Variants in DPYSL2 observed in about 807,000 individuals in gnomAD.
DPYSL2 encodes dihydropyrimidinase-related protein 2.
Under a neutral mutation model 69.9 loss-of-function variants are expected in DPYSL2, and 13 were observed. The ratio of observed to expected loss-of-function variants is 0.19; its 90% CI spans 0.12 to 0.30. DPYSL2 has a LOEUF of 0.30. Among genes scored for constraint, DPYSL2 ranks in the 10% least tolerant of loss-of-function variants. The probability of loss-of-function intolerance (pLI) is 1.00; values close to 1 mark genes in which losing one functional copy is unlikely to be tolerated. For missense variants in DPYSL2, 587 were observed against 918.9 expected, an observed-to-expected ratio of 0.64 and a Z score of 4.67; for synonymous variants, 326 against 359.1, an observed-to-expected ratio of 0.91 and a Z score of 1.04.
intron 1 of DPYSL2, among the ~76,000 whole-genome samples, chr8:26,532,328 G>T (rs1800521811): frequency 6.6e-6 from 1 of 152,044 alleles, no homozygotes; most frequent in Admixed American, 6.6e-5. Flanking sequence ...GTGGTAGCAG[G>T]GTCTACTTCA....
intron 3 of DPYSL2, among the ~76,000 whole-genome samples, chr8:26,584,908 C>T (rs774688225): frequency 3.3e-4 from 50 of 152,192 alleles, no homozygotes; most frequent in Non-Finnish European, 6.3e-4. Context: ...CATGAGCCAC[C>T]GTGCCTGGCC....
rs1267866076 is a variant in DPYSL2 at position 26,586,834 on chromosome 8, T to C, written c.628+2851T>C. ...AATGCTATGGCATTTGCACGGAGGC[T>C]GTGTGATGCGATCTGGCTATAGAGT... On this transcript the variant is annotated intron_variant, in intron 3 of 13. Transcript: ENST00000521913. This position sits in a 1 kb window ranked among gnomAD's most constrained non-coding sequence, Gnocchi z 4.7. Among the ~76,000 whole-genome samples the C allele has an allele frequency of 1.3e-5, 2 of 152,194 alleles. No homozygotes were observed. Among genetic ancestry groups the C allele is most frequent in the African/African-American group, 2.4e-5 (1 of 41,452 alleles).
intron 11 of DPYSL2, among the ~76,000 whole-genome samples, chr8:26,651,838 A>G (rs1370166679): frequency 6.6e-6 from 1 of 152,232 alleles, no homozygotes; most frequent in Non-Finnish European, 1.5e-5. Context: ...CAGGCTAGCC[A>G]GTGGGAAAAC....
chr8:26,514,155 G>C lies in DPYSL2; in HGVS notation c.-171G>C. The C allele has an allele frequency of 6.1e-6, 3 of 492,028 alleles. No homozygotes were observed. Among genetic ancestry groups the C allele is most frequent in the Non-Finnish European group, 1.0e-5 (3 of 299,556 alleles). 30.5% of individuals were successfully genotyped at this position (492,028 alleles called of 1,614,324 possible). A position where few individuals can be genotyped will look rare whatever the true frequency, so the allele number is the denominator to read the frequency against. ...AGAAGCGGGGTCAGGGGGAGGGACC[G>C]GGAGGGTGGGTCGCCGGCTCGCCAG... On this transcript the variant is annotated 5_prime_UTR_variant, in exon 1 of 14. Transcript: ENST00000521913. The surrounding 1 kb of genome is among the most constrained non-coding windows in gnomAD (Gnocchi z 8.4).
intron 7 of DPYSL2, among the ~76,000 whole-genome samples, chr8:26,631,092 C>A (rs1482136712): frequency 6.6e-6 from 1 of 152,194 alleles, no homozygotes; most frequent in African/African-American, 2.4e-5. Context: ...CTGCTTTCTG[C>A]AGAGAAGTAC....
At position 26,514,743 on chromosome 8, in the gene DPYSL2, CT is replaced by C. The variant is rs1156529378; in HGVS notation, c.354+65del. On this transcript the variant is annotated intron_variant, in intron 1 of 13. Transcript: ENST00000521913. The surrounding 1 kb of genome is among the most constrained non-coding windows in gnomAD (Gnocchi z 8.4). ...CGCGGGGATCGCCCCTCCCTCGCCC[CT>C]GAGCCCGGCGCGCCCGCCTTCATGC... 3 of 1,318,094 alleles carry C rather than the reference CT, an allele frequency of 2.3e-6. No homozygotes were observed. Among genetic ancestry groups the C allele is most frequent in the Non-Finnish European group, 2.9e-6 (3 of 1,021,726 alleles). 81.6% of individuals were successfully genotyped at this position (1,318,094 alleles called of 1,614,324 possible). A position where few individuals can be genotyped will look rare whatever the true frequency, so the allele number is the denominator to read the frequency against.
rs772744740 is a variant in DPYSL2 at position 26,621,866 on chromosome 8, A to C, written c.629-2277A>C. ...GGACCGGATCTGACTGGCCAAGAGA[A>C]AGAGTTTGAATTGGACTCTAAGGAT... On this transcript the variant is annotated intron_variant, in intron 3 of 13. Coordinates refer to ENST00000521913, the MANE Select transcript of DPYSL2 (RefSeq NM_001197293.3). The surrounding 1 kb of genome is among the most constrained non-coding windows in gnomAD (Gnocchi z 4.9). 3.0e-4 allele frequency among the ~76,000 whole-genome samples: 46 copies of C among 152,248 alleles called. No individual in the cohort carries two copies. The highest frequency in any genetic ancestry group is 5.3e-4 in the Non-Finnish European group (36 of 68,010).
chr8:26,595,387 G>A (rs1442417535), intron 3 of DPYSL2, among the ~76,000 whole-genome samples: 1 of 152,044 alleles, frequency 6.6e-6, no homozygotes, highest in African/African-American at 2.4e-5. Context: ...CCCTGCAGAT[G>A]TAAAGCAGTG....
rs1010863949 is a variant in DPYSL2, at chr8:26,624,961, C to G, written c.793+654C>G. ...GGCCACATCATCTTCCTGGGTCTCG[C>G]TGGGCTTGGCTAGAGACCAGATTAA... On this transcript the variant is annotated intron_variant, in intron 4 of 13. Transcript: ENST00000521913. This position sits in a 1 kb window ranked among gnomAD's most constrained non-coding sequence, Gnocchi z 4.7. 2.0e-5 allele frequency among the ~76,000 whole-genome samples: 3 copies of G among 152,140 alleles called. No homozygotes were observed. Among genetic ancestry groups the G allele is most frequent in the African/African-American group, 7.2e-5 (3 of 41,444 alleles).
intron 3 of DPYSL2, among the ~76,000 whole-genome samples, chr8:26,604,487 T>C (rs1249660625): frequency 3.3e-5 from 5 of 152,122 alleles, no homozygotes; most frequent in Middle Eastern, 3.2e-3. Flanking sequence ...GGTAAAGGAA[T>C]GGGTGAGAAC....
Position 26,655,997 on chromosome 8 carries a change from G to A in DPYSL2, c.*291G>A. On this transcript the variant is annotated 3_prime_UTR_variant, in exon 14 of 14. Coordinates refer to ENST00000521913, the MANE Select transcript of DPYSL2 (RefSeq NM_001197293.3). ...ACCCAACACTTAGACATGCGAACAAGCAGCCCCCAGCGAGGGTCTCCTTCG... is the reference window on the plus strand; with the variant it reads ...ACCCAACACTTAGACATGCGAACAAACAGCCCCCAGCGAGGGTCTCCTTCG... 1 of 298,290 alleles carries A rather than the reference G, an allele frequency of 3.4e-6. No individual in the cohort carries two copies. Among genetic ancestry groups the A allele is most frequent in the Non-Finnish European group, 6.1e-6 (1 of 162,872 alleles). 18.5% of individuals were successfully genotyped at this position (298,290 alleles called of 1,614,324 possible).
At chr8:26,563,320 C>T (rs893480660) in intron 1 of DPYSL2, among the ~76,000 whole-genome samples, 9 of 152,212 alleles carry the variant, frequency 5.9e-5, no homozygotes, top group African/African-American at 1.9e-4. Context: ...CATAAACTCT[C>T]TTCTCCCAGA....
At chr8:26,555,727 A>T (rs1299859393) in intron 1 of DPYSL2, among the ~76,000 whole-genome samples, 1 of 151,426 alleles carries the variant, frequency 6.6e-6, no homozygotes, top group African/African-American at 2.4e-5. Flanking sequence ...TCTACAAAAA[A>T]ATACAAAAAA....
Position 26,533,279 on chromosome 8 carries a change from C to T in DPYSL2, c.354+18600C>T, listed in dbSNP as rs1373740689. Reference sequence around the variant, plus strand: ...CTTTATATATTCTGGATACTACATCCTTAATATATATTATTTTTTTCTCCT... The same window carrying T: ...CTTTATATATTCTGGATACTACATCTTTAATATATATTATTTTTTTCTCCT... On this transcript the variant is annotated intron_variant, in intron 1 of 13. Coordinates refer to ENST00000521913, the MANE Select transcript of DPYSL2 (RefSeq NM_001197293.3). This position sits in a 1 kb window ranked among gnomAD's most constrained non-coding sequence, Gnocchi z 4.8. Among the ~76,000 whole-genome samples the T allele has an allele frequency of 1.3e-5, 2 of 152,144 alleles. No homozygotes were observed. Among genetic ancestry groups the T allele is most frequent in the South Asian group, 2.1e-4 (1 of 4,824 alleles).
At chr8:26,639,635 C>T (rs1334354078) in intron 8 of DPYSL2, among the ~76,000 whole-genome samples, 1 of 152,172 alleles carries the variant, frequency 6.6e-6, no homozygotes, top group East Asian at 1.9e-4. Context: ...TTTTCCCCCA[C>T]TTTGTCTAGT....
chr8:26,517,634 C>T lies in DPYSL2; in HGVS notation c.354+2955C>T, dbSNP rs555558942. Among the ~76,000 whole-genome samples the T allele has an allele frequency of 5.3e-5, 8 of 152,322 alleles. No individual in the cohort carries two copies. The South Asian group carries it at 1.7e-3, about 32-fold the overall frequency. On this transcript the variant is annotated intron_variant, in intron 1 of 13. Coordinates refer to ENST00000521913, the MANE Select transcript of DPYSL2 (RefSeq NM_001197293.3). This position sits in a 1 kb window ranked among gnomAD's most constrained non-coding sequence, Gnocchi z 4.2. Reference sequence around the variant, plus strand: ...GGAACTTCCTCCATTCCACTCCAGACACAGCGTAGCCAGAACCAGTGGCTC... The same window carrying T: ...GGAACTTCCTCCATTCCACTCCAGATACAGCGTAGCCAGAACCAGTGGCTC...
chr8:26,657,017 G>A lies in DPYSL2; in HGVS notation c.*1311G>A, dbSNP rs1372246846. ...GCTGCTTCCTGGTTAAGTATCTTTT[G>A]AGATTCTAGAACACATGGGAGCTTT... On this transcript the variant is annotated 3_prime_UTR_variant, in exon 14 of 14. Transcript: ENST00000521913. 1 of 152,136 alleles carries A rather than the reference G, an allele frequency of 6.6e-6. No individual in the cohort carries two copies. The highest frequency in any genetic ancestry group is 1.9e-4 in the East Asian group (1 of 5,184). The allele number at this position is 152,136 out of a possible 1,614,324, so 9.4% of individuals were successfully genotyped here. A position where few individuals can be genotyped will look rare whatever the true frequency, so the allele number is the denominator to read the frequency against.
chr8:26,582,448 A>C lies in DPYSL2; in HGVS notation c.443+391A>C, dbSNP rs1420008627. ...GAAAGACAGTCTCCTCTATTGAGAC[A>C]GCACATCTGCTTTCTTCATCAAGAA... On this transcript the variant is annotated intron_variant, in intron 2 of 13. Coordinates refer to ENST00000521913, the MANE Select transcript of DPYSL2 (RefSeq NM_001197293.3). The surrounding 1 kb of genome is among the most constrained non-coding windows in gnomAD (Gnocchi z 4.1). Among the ~76,000 whole-genome samples, 1 of 152,268 alleles carries C rather than the reference A, an allele frequency of 6.6e-6. No individual in the cohort carries two copies. The highest frequency in any genetic ancestry group is 1.5e-5 in the Non-Finnish European group (1 of 68,050).
At position 26,514,600 on chromosome 8, in the gene DPYSL2, A is replaced by G; in HGVS notation, c.275A>G (p.Glu92Gly). The G allele has an allele frequency of 2.0e-6, 3 of 1,507,096 alleles. No individual in the cohort carries two copies. Among genetic ancestry groups the G allele is most frequent in the Non-Finnish European group, 2.6e-6 (3 of 1,134,594 alleles). The allele number at this position is 1,507,096 out of a possible 1,614,324, so 93.4% of individuals were successfully genotyped here. Residue 92 changes from glutamate (E) to glycine (G), a missense_variant, in exon 1 of 14, where the codon GAG becomes GGG. Around this residue, in one of 3 missense-constraint regions of DPYSL2, gnomAD observed 85 missense variants for 77.7 expected, o/e 1.09. Transcript: ENST00000521913. This position sits in a 1 kb window ranked among gnomAD's most constrained non-coding sequence, Gnocchi z 8.4. ...CGGCAGGGCCGGCGCGCCGGCGGAG[A>G]GCCATCTGTTGAATCGGGCCGGAAG... ...YSRQGRRAGG[E>G]PSVESGRKVE...
Sources: allele counts gnomAD v4.1 joint callset (sites outside exome capture counted in the v4.1 genomes callset), GRCh38; gene constraint gnomAD v4.1.1; regional missense constraint gnomAD v4.1.1; non-coding constraint Gnocchi (gnomAD v3.1); transcripts MANE v1.5; gene names NCBI Gene and HGNC (gene_info 2026-07-23, HGNC 2026-07-21).